RRAS2: variants seen among roughly 807,000 people sequenced by gnomAD.
RRAS2 encodes the protein RAS related 2.
RRAS2 carries 7 observed loss-of-function variants against 27.6 expected under a neutral mutation model. That is an observed-to-expected ratio of 0.25 (90% CI 0.14 to 0.48). The LOEUF (loss-of-function observed/expected upper bound fraction) is 0.48, where lower values mean the gene tolerates loss of function less well. RRAS2 is among the 20% of genes least tolerant of loss of function. The pLI is 0.99. For synonymous variants in RRAS2, 86 were observed against 90.9 expected (o/e 0.95, Z 0.31); for missense variants, 178 against 256.2 (o/e 0.69, Z 2.08).
chr11:14,338,364 A>C (rs782800830), intron 1 of RRAS2, among the ~76,000 whole-genome samples: 17 of 152,146 alleles, frequency 1.1e-4, no homozygotes, highest in Non-Finnish European at 1.9e-4. Context: ...TCAGATCTGA[A>C]ATTATTTTGG....
At chr11:14,316,883 AC>A (rs1554949623) in intron 1 of RRAS2, among the ~76,000 whole-genome samples, 1 of 152,202 alleles carries the variant, frequency 6.6e-6, no homozygotes, top group Admixed American at 6.5e-5. Context: ...AAAATAAATG[AC>A]TATCAGTTCC....
At chr11:14,310,810 T>C (rs1847946058) in intron 1 of RRAS2, among the ~76,000 whole-genome samples, 2 of 152,224 alleles carry the variant, frequency 1.3e-5, no homozygotes, top group South Asian at 4.1e-4. Flanking sequence ...CTCTTAGGCA[T>C]GGAAGGAATT....
chr11:14,323,133 C>G (rs1005442996), intron 1 of RRAS2, among the ~76,000 whole-genome samples: 1 of 151,992 alleles, frequency 6.6e-6, no homozygotes, highest in Non-Finnish European at 1.5e-5. Flanking sequence ...TAGAAAAATA[C>G]AAACTCAAAA....
At chr11:14,338,700 C>G (rs1374690610) in intron 1 of RRAS2, among the ~76,000 whole-genome samples, 7 of 152,114 alleles carry the variant, frequency 4.6e-5, no homozygotes, top group African/African-American at 1.7e-4. Flanking sequence ...AGTCAAATGG[C>G]TCCAAATCCT....
chr11:14,317,774 T>A (rs1848142969), intron 1 of RRAS2, among the ~76,000 whole-genome samples: 1 of 152,134 alleles, frequency 6.6e-6, no homozygotes, highest in Admixed American at 6.5e-5. Context: ...ACTCTAAATG[T>A]ACAAAGGGGA....
chr11:14,321,285 C>A (rs1554950252), intron 1 of RRAS2, among the ~76,000 whole-genome samples: 4 of 152,118 alleles, frequency 2.6e-5, no homozygotes, highest in Non-Finnish European at 1.5e-5. Flanking sequence ...TAGTCAACAG[C>A]AAATTTTAGG....
chr11:14,294,953 A>C, intron 2 of RRAS2, 91 bp from the exon 3 acceptor site: 1 of 1,007,874 alleles, frequency 9.9e-7, no homozygotes, highest in East Asian at 2.4e-5. Flanking sequence ...TCCTCTAGAG[A>C]GCCTCATACT....
In RRAS2 at chr11:14,359,061, A is replaced by C. The variant is rs1217826605; in HGVS notation, c.-191T>G. 9.1e-7 allele frequency: 1 copy of C among 1,097,200 alleles called. No individual in the cohort carries two copies. Among genetic ancestry groups the C allele is most frequent in the Non-Finnish European group, 1.1e-6 (1 of 902,684 alleles). 68.0% of individuals were successfully genotyped at this position (1,097,200 alleles called of 1,614,324 possible). On this transcript the variant is annotated 5_prime_UTR_variant, in exon 1 of 6. Transcript: ENST00000256196. Reference sequence around the variant, plus strand: ...CTGGGGACTGGCTGGGTACCGCCCGAGGCGCGGAGAAGCGGGGTGACGGCA... The same window carrying C: ...CTGGGGACTGGCTGGGTACCGCCCGCGGCGCGGAGAAGCGGGGTGACGGCA...
At chr11:14,336,199 G>C (rs1848586080) in intron 1 of RRAS2, among the ~76,000 whole-genome samples, 1 of 152,156 alleles carries the variant, frequency 6.6e-6, no homozygotes, top group Non-Finnish European at 1.5e-5. Context: ...AAGCTGAGTA[G>C]GGAATCTAGA....
chr11:14,330,807 A>G lies in RRAS2; in HGVS notation c.108+27956T>C, dbSNP rs536544054. Among the ~76,000 whole-genome samples the G allele has an allele frequency of 9.2e-5, 14 of 152,338 alleles. No homozygotes were observed. In the East Asian group the frequency reaches 2.7e-3, roughly 29 times the overall value. ...AAGAAGAAAAATGTATTTACACATA[A>G]AGCTTACATTTCAAGAGGTAGAAAA... On this transcript the variant is annotated intron_variant, in intron 1 of 5. Transcript: ENST00000256196.
chr11:14,302,699 C>T lies in RRAS2; in HGVS notation c.109-6844G>A, dbSNP rs369264865. On this transcript the variant is annotated intron_variant, in intron 1 of 5. Coordinates refer to ENST00000256196, the MANE Select transcript of RRAS2 (RefSeq NM_012250.6). ...GGGATCTAATAAGGGCCACAGGTCC[C>T]CAGTGACTGTTATGTAGCCTCCACT... Among the ~76,000 whole-genome samples the T allele has an allele frequency of 1.4e-4, 22 of 152,310 alleles. No individual in the cohort carries two copies. In the East Asian group the frequency reaches 4.2e-3, roughly 29 times the overall value.
At chr11:14,311,371 AG>A (rs1847961465) in intron 1 of RRAS2, among the ~76,000 whole-genome samples, 1 of 152,094 alleles carries the variant, frequency 6.6e-6, no homozygotes, top group South Asian at 2.1e-4. Flanking sequence ...AAAATAAAAA[AG>A]TACTTTATTT....
chr11:14,282,349 G>A (rs1404323742), intron 4 of RRAS2, among the ~76,000 whole-genome samples: 1 of 152,138 alleles, frequency 6.6e-6, no homozygotes, highest in Non-Finnish European at 1.5e-5. Flanking sequence ...CAATATGTGG[G>A]GAGAAATGAA....
At chr11:14,346,516 T>G (rs1030438821) in intron 1 of RRAS2, among the ~76,000 whole-genome samples, 1 of 152,242 alleles carries the variant, frequency 6.6e-6, no homozygotes, top group Non-Finnish European at 1.5e-5. Context: ...TCTACTGTTA[T>G]AACACAAAAA....
At chr11:14,346,655 G>A (rs1163212515) in intron 1 of RRAS2, among the ~76,000 whole-genome samples, 1 of 152,172 alleles carries the variant, frequency 6.6e-6, no homozygotes, top group Non-Finnish European at 1.5e-5. Context: ...AAAATAAAAA[G>A]TAGCTGTAAA....
At chr11:14,329,005 G>GTA (rs1848427313) in intron 1 of RRAS2, among the ~76,000 whole-genome samples, 1 of 55,422 alleles carries the variant, frequency 1.8e-5, no homozygotes, top group Non-Finnish European at 4.6e-5. Flanking sequence ...GTGTGTGTGT[G>GTA]TGTGTGTATA....
chr11:14,347,510 T>A (rs1329630070), intron 1 of RRAS2, among the ~76,000 whole-genome samples: 2 of 152,186 alleles, frequency 1.3e-5, no homozygotes, highest in Admixed American at 1.3e-4. Flanking sequence ...TCCCTAATTA[T>A]GTATGTTTAA....
At chr11:14,319,549 G>C (rs897460129) in intron 1 of RRAS2, among the ~76,000 whole-genome samples, 2 of 151,260 alleles carry the variant, frequency 1.3e-5, no homozygotes, top group Non-Finnish European at 2.9e-5. Flanking sequence ...TAGTAGAGAC[G>C]GGGTTTCACC....
intron 1 of RRAS2, among the ~76,000 whole-genome samples, chr11:14,357,574 T>C (rs540257427): frequency 7.9e-5 from 12 of 152,202 alleles, no homozygotes; most frequent in Non-Finnish European, 1.6e-4. Flanking sequence ...GGGAATATTA[T>C]AGCAGCAATT....
Sources: gnomAD v4.1 joint callset for allele counts (sites outside exome capture counted in the v4.1 genomes callset) on GRCh38, gnomAD v4.1.1 for gene constraint, MANE v1.5 for transcripts, NCBI Gene and HGNC (gene_info 2026-07-23, HGNC 2026-07-21) for gene names.